Variants in BEND7 observed in about 807,000 individuals in gnomAD.
BEND7 encodes the protein BEN domain containing 7.
Under a neutral mutation model 50.9 loss-of-function variants are expected in BEND7, and 28 were observed. The ratio of observed to expected loss-of-function variants is 0.55; its 90% CI spans 0.41 to 0.75. The LOEUF is 0.75. Ranked by LOEUF, BEND7 falls within the 30% of genes least tolerant of loss-of-function variation. The pLI is 0.00. For synonymous variants in BEND7, 170 were observed against 183.9 expected, an observed-to-expected ratio of 0.92 and a Z score of 0.61; for missense variants, 477 against 491.3, an observed-to-expected ratio of 0.97 and a Z score of 0.28.
intron 5 of BEND7, among the ~76,000 whole-genome samples, chr10:13,482,434 G>A (rs2075930943): frequency 6.6e-6 from 1 of 152,190 alleles, no homozygotes; most frequent in African/African-American, 2.4e-5. Flanking sequence ...GCCCTGCTTT[G>A]CAGTTTCTAA....
At chr10:13,466,390 T>C (rs1299035393) in intron 6 of BEND7, among the ~76,000 whole-genome samples, 2 of 152,090 alleles carry the variant, frequency 1.3e-5, no homozygotes, top group African/African-American at 4.8e-5. Context: ...CGAAACCCTG[T>C]CTCTATTAGA....
intron 2 of BEND7, among the ~76,000 whole-genome samples, chr10:13,502,450 A>G (rs1421286737): frequency 1.3e-5 from 2 of 152,182 alleles, no homozygotes; most frequent in East Asian, 3.8e-4. Context: ...TGAAAATTAC[A>G]ATATATAAAC....
At chr10:13,466,996 G>C (rs1369261234) in intron 6 of BEND7, among the ~76,000 whole-genome samples, 1 of 152,192 alleles carries the variant, frequency 6.6e-6, no homozygotes, top group Admixed American at 6.5e-5. Context: ...TGAAGGGCTG[G>C]GAAGGCGGGT....
intron 5 of BEND7, among the ~76,000 whole-genome samples, chr10:13,490,945 A>G (rs766230793): frequency 2.0e-4 from 31 of 152,112 alleles, no homozygotes; most frequent in Non-Finnish European, 1.6e-4. Context: ...TTAGGACTAT[A>G]GGCATGTGCC....
rs140096562 is a variant in BEND7 at position 13,474,788 on chromosome 10, C to T, written c.1063+6111G>A. On this transcript the variant is annotated intron_variant, in intron 6 of 8. Coordinates refer to ENST00000466271, the MANE Select transcript of BEND7 (RefSeq NM_001369863.1). ...TGATACCCATCATCAGTGTTGGACT[C>T]GGGTTGATACCCATCATCGCTTTTG... Among the ~76,000 whole-genome samples, 185 of 152,322 alleles carry T rather than the reference C, an allele frequency of 1.2e-3. 1 individual carries two copies. The highest frequency in any genetic ancestry group is 3.4e-3 in the Middle Eastern group (1 of 294).
intron 6 of BEND7, chr10:13,480,546 T>C (rs1030321422): frequency 2.6e-6 from 2 of 781,662 alleles, no homozygotes; most frequent in Non-Finnish European, 1.5e-6. Flanking sequence ...CATCATAGCT[T>C]TATTCTCATA....
chr10:13,524,692 G>A (rs1490199634), intron 2 of BEND7, among the ~76,000 whole-genome samples: 2 of 150,892 alleles, frequency 1.3e-5, no homozygotes, highest in African/African-American at 4.9e-5. Flanking sequence ...AAGTTTAGGG[G>A]ACTGGAAAGA....
intron 6 of BEND7, among the ~76,000 whole-genome samples, chr10:13,466,086 CA>C (rs1369586385): frequency 1.3e-5 from 2 of 152,136 alleles, no homozygotes; most frequent in Admixed American, 6.5e-5. Flanking sequence ...TGTTGGGAAA[CA>C]AGAAGAACTT....
chr10:13,496,665 T>G, intron 4 of BEND7, 101 bp downstream of exon 4: 3 of 1,348,196 alleles, frequency 2.2e-6, no homozygotes. Flanking sequence ...GACAGCAAGG[T>G]GAGAAGAAGG....
In BEND7 at chr10:13,487,704, G is replaced by A. The variant is rs577071375; in HGVS notation, c.837+4907C>T. Among the ~76,000 whole-genome samples, 18 of 152,118 alleles carry A rather than the reference G, an allele frequency of 1.2e-4. No homozygotes were observed. In the South Asian group the frequency reaches 3.7e-3, roughly 32 times the overall value. On this transcript the variant is annotated intron_variant, in intron 5 of 8. Coordinates refer to ENST00000466271, the MANE Select transcript of BEND7 (RefSeq NM_001369863.1). ...CCTGGCCAATGGCCTCAATTTCAAT[G>A]TGTCAATGAGTAAATTTAAAAAATC...
chr10:13,506,909 G>A (rs1389637506), intron 2 of BEND7, among the ~76,000 whole-genome samples: 2 of 152,170 alleles, frequency 1.3e-5, no homozygotes, highest in Non-Finnish European at 2.9e-5. Flanking sequence ...AACACCAGTA[G>A]GAGAACTGGA....
chr10:13,442,189 C>T (rs372047824), intron 8 of BEND7: 4 of 164,190 alleles, frequency 2.4e-5, no homozygotes, highest in Admixed American at 6.1e-5. Context: ...CTCAGTTTCC[C>T]GGGTGGGACT....
Position 13,474,158 on chromosome 10 carries a change from T to A in BEND7, c.1063+6741A>T, listed in dbSNP as rs146721761. On this transcript the variant is annotated intron_variant, in intron 6 of 8. Transcript: ENST00000466271. ...ATCGCTGTTAGACTTGTGGCCAACA[T>A]CTGTCATCGCTGTTAGATTTCGGGT... Among the ~76,000 whole-genome samples the A allele has an allele frequency of 3.3e-3, 498 of 151,458 alleles. 4 individuals carry two copies. Among genetic ancestry groups the A allele is most frequent in the African/African-American group, 0.011 (471 of 41,214 alleles).
intron 2 of BEND7, among the ~76,000 whole-genome samples, 182 bp from the exon 3 acceptor site, chr10:13,500,262 C>T (rs887201112): frequency 2.6e-5 from 4 of 152,212 alleles, no homozygotes; most frequent in Admixed American, 6.5e-5. Flanking sequence ...AAAACCCATC[C>T]TATTCCTGGT....
chr10:13,473,419 C>T lies in BEND7; in HGVS notation c.1063+7480G>A, dbSNP rs578150745. Among the ~76,000 whole-genome samples the T allele has an allele frequency of 5.4e-5, 8 of 149,318 alleles. No individual in the cohort carries two copies. In the South Asian group the frequency reaches 8.6e-4, roughly 16 times the overall value. On this transcript the variant is annotated intron_variant, in intron 6 of 8. Transcript: ENST00000466271. ...CCATCATCGCTGTTGGACTCGGGGC[C>T]GACATCCGTCATCACTGTCAGATTT...
intron 8 of BEND7, chr10:13,443,996 T>C (rs1835763805): frequency 6.6e-6 from 1 of 152,116 alleles, no homozygotes. Flanking sequence ...TAGATGAACA[T>C]CCCCATTTCA....
At chr10:13,516,676 A>G (rs2078696221) in intron 2 of BEND7, among the ~76,000 whole-genome samples, 1 of 152,148 alleles carries the variant, frequency 6.6e-6, no homozygotes, top group Non-Finnish European at 1.5e-5. Context: ...AGTGAACCAA[A>G]ATCGCGCCGC....
intron 6 of BEND7, among the ~76,000 whole-genome samples, chr10:13,480,240 G>A (rs2075761573): frequency 6.6e-6 from 1 of 152,194 alleles, no homozygotes; most frequent in African/African-American, 2.4e-5. Context: ...GGATATAAAT[G>A]CAGAGGTGCT....
chr10:13,475,647 T>C (rs1406850249), intron 6 of BEND7, among the ~76,000 whole-genome samples: 1 of 152,238 alleles, frequency 6.6e-6, no homozygotes, highest in Non-Finnish European at 1.5e-5. Flanking sequence ...ATGCTTTGCA[T>C]AAACAACCGA....
Sources: gnomAD v4.1 joint callset for allele counts (sites outside exome capture counted in the v4.1 genomes callset) on GRCh38, gnomAD v4.1.1 for gene constraint, MANE v1.5 for transcripts, NCBI Gene and HGNC (gene_info 2026-07-23, HGNC 2026-07-21) for gene names.